The following EXOC4 variants were observed in gnomAD, a reference collection of about 807,000 sequenced individuals.
EXOC4 encodes SEC8-like 1.
A neutral mutation model predicts 107.2 loss-of-function variants in EXOC4; 71 were observed. The ratio of observed to expected loss-of-function variants is 0.66; its 90% CI spans 0.55 to 0.81. EXOC4 has a LOEUF of 0.81. Among genes scored for constraint, EXOC4 ranks in the 30% least tolerant of loss-of-function variants. The probability of loss-of-function intolerance (pLI) is 0.00; values close to 1 mark genes in which losing one functional copy is unlikely to be tolerated. For missense variants in EXOC4, 1,108 were observed against 1,189.6 expected (o/e 0.93, Z 1.01); for synonymous variants, 456 against 441.2 (o/e 1.03, Z -0.42).
chr7:133,853,657 A>C lies in EXOC4; in HGVS notation c.1734+36113A>C, dbSNP rs1307393104. Among the ~76,000 whole-genome samples, 3 of 152,154 alleles carry C rather than the reference A, an allele frequency of 2.0e-5. No homozygotes were observed. In the East Asian group the frequency reaches 5.8e-4, roughly 29 times the overall value. On this transcript the variant is annotated intron_variant, in intron 11 of 17. Coordinates refer to ENST00000253861, the MANE Select transcript of EXOC4 (RefSeq NM_021807.4). ...CTTAGGCACACCTGAGAACTGGGAAACCATTCCCAACCATTGCCAGTGGGG... is the reference window on the plus strand; with the variant it reads ...CTTAGGCACACCTGAGAACTGGGAACCCATTCCCAACCATTGCCAGTGGGG...
Position 133,485,094 on chromosome 7 carries a change from T to TA in EXOC4, c.1417+4959dup, listed in dbSNP as rs1294333074. Reference sequence around the variant, plus strand: ...GACTCCGTCTCAAAAAATAAATAAATAAATAAATAAATAAATAAATAAATA... The same window carrying TA: ...GACTCCGTCTCAAAAAATAAATAAATAAAATAAATAAATAAATAAATAAATA... On this transcript the variant is annotated intron_variant, in intron 9 of 17. Coordinates refer to ENST00000253861, the MANE Select transcript of EXOC4 (RefSeq NM_021807.4). 5.5e-3 allele frequency among the ~76,000 whole-genome samples: 705 copies of TA among 128,982 alleles called. 52 individuals carry two copies. The highest frequency in any genetic ancestry group is 0.02 in the Middle Eastern group (5 of 248). 84.6% of individuals were successfully genotyped at this position (128,982 alleles called of 152,430 possible). A position where few individuals can be genotyped will look rare whatever the true frequency, so the allele number is the denominator to read the frequency against.
chr7:133,678,933 T>C (rs1267783077), intron 10 of EXOC4, among the ~76,000 whole-genome samples: 1 of 152,226 alleles, frequency 6.6e-6, no homozygotes, highest in African/African-American at 2.4e-5. Flanking sequence ...TTCCACTGTC[T>C]TTATGGCTCC....
chr7:133,795,717 T>A (rs1796799637), intron 10 of EXOC4, among the ~76,000 whole-genome samples: 1 of 152,132 alleles, frequency 6.6e-6, no homozygotes, highest in South Asian at 2.1e-4. Context: ...AATTTGACCA[T>A]GATGGTGGAA....
rs1797642571 is a variant in EXOC4, at chr7:133,423,225, C to CAAAAAAAAAA, written c.1182+48223_1182+48224insAAAAAAAAAA. The stretch of plus-strand genomic sequence containing the variant: ...TGGGCGACAGAGCGAGACTCCGTCT[C>CAAAAAAAAAA]CAAAAAAAAAAAAAAAAAAAAAAAA... On this transcript the variant is annotated intron_variant, in intron 7 of 17. Coordinates refer to ENST00000253861, the MANE Select transcript of EXOC4 (RefSeq NM_021807.4). Among the ~76,000 whole-genome samples, 2 of 12,156 alleles carry CAAAAAAAAAA rather than the reference C, an allele frequency of 1.6e-4. 1 individual carries two copies. Among genetic ancestry groups the CAAAAAAAAAA allele is most frequent in the African/African-American group, 1.6e-3 (2 of 1,284 alleles). 8.0% of individuals were successfully genotyped at this position (12,156 alleles called of 152,430 possible). A position where few individuals can be genotyped will look rare whatever the true frequency, so the allele number is the denominator to read the frequency against.
chr7:133,970,736 C>T (rs1243369200), intron 14 of EXOC4, among the ~76,000 whole-genome samples: 1 of 152,086 alleles, frequency 6.6e-6, no homozygotes, highest in African/African-American at 2.4e-5. Context: ...GCAGAAATCA[C>T]CCACCTTCTG....
At chr7:133,796,201 A>C (rs759475767) in intron 10 of EXOC4, among the ~76,000 whole-genome samples, 2 of 152,180 alleles carry the variant, frequency 1.3e-5, no homozygotes, top group Admixed American at 6.5e-5. Flanking sequence ...TACTTCTTTA[A>C]ATTCTTAATA....
chr7:133,536,889 A>G (rs1449719643), intron 9 of EXOC4, among the ~76,000 whole-genome samples: 1 of 152,080 alleles, frequency 6.6e-6, no homozygotes, highest in Admixed American at 6.6e-5. Context: ...CAAAAGTAAG[A>G]CATATGCTTC....
At chr7:133,504,587 A>C (rs1290557554) in intron 9 of EXOC4, among the ~76,000 whole-genome samples, 2 of 152,144 alleles carry the variant, frequency 1.3e-5, no homozygotes, top group Non-Finnish European at 2.9e-5. Context: ...ATATCGTGGT[A>C]GATGACAGAT....
At chr7:133,700,310 G>T (rs998194540) in intron 10 of EXOC4, among the ~76,000 whole-genome samples, 16 of 152,024 alleles carry the variant, frequency 1.1e-4, no homozygotes, top group Non-Finnish European at 1.6e-4. Context: ...TCTCTTGAGG[G>T]ACTATTTTTT....
chr7:133,908,008 C>T (rs1306359560), intron 12 of EXOC4, among the ~76,000 whole-genome samples: 2 of 152,116 alleles, frequency 1.3e-5, no homozygotes, highest in Admixed American at 6.5e-5. Flanking sequence ...AAGTGAATCC[C>T]TTCACTCATC....
At chr7:134,008,536 A>G (rs770032901) in intron 17 of EXOC4, among the ~76,000 whole-genome samples, 1 of 151,898 alleles carries the variant, frequency 6.6e-6, no homozygotes, top group South Asian at 2.1e-4. Context: ...ACAGGAACCT[A>G]CTTCTCATTT....
intron 14 of EXOC4, among the ~76,000 whole-genome samples, chr7:133,956,592 G>A (rs968863353): frequency 3.9e-5 from 6 of 152,172 alleles, no homozygotes; most frequent in African/African-American, 1.4e-4. Context: ...GCATCATGTG[G>A]GGGAACTGGG....
At chr7:133,808,140 C>T (rs374896248) in intron 10 of EXOC4, among the ~76,000 whole-genome samples, 2 of 152,136 alleles carry the variant, frequency 1.3e-5, no homozygotes, top group Admixed American at 6.5e-5. Context: ...CATGATTGGG[C>T]TCTGCAGTGA....
chr7:133,550,249 C>T (rs1295956197), intron 9 of EXOC4, among the ~76,000 whole-genome samples: 4 of 152,094 alleles, frequency 2.6e-5, no homozygotes, highest in Non-Finnish European at 4.4e-5. Flanking sequence ...AATGTGACCC[C>T]AGAATCAAGC....
chr7:133,930,386 C>A (rs1379060033), intron 13 of EXOC4: 1 of 152,190 alleles, frequency 6.6e-6, no homozygotes, highest in Non-Finnish European at 1.5e-5. Flanking sequence ...AAGATGCATT[C>A]TTTTTCCAAA....
intron 7 of EXOC4, among the ~76,000 whole-genome samples, chr7:133,442,837 G>A (rs1337518616): frequency 6.6e-6 from 1 of 152,166 alleles, no homozygotes; most frequent in Non-Finnish European, 1.5e-5. Context: ...TGAAAGAATG[G>A]TGGTCCCATT....
chr7:133,726,731 C>A (rs1795222784), intron 10 of EXOC4, among the ~76,000 whole-genome samples: 1 of 152,218 alleles, frequency 6.6e-6, no homozygotes. Context: ...CTTCCCTCCA[C>A]TTCTCTTCTA....
rs144551921 is a variant in EXOC4 at position 133,272,499 on chromosome 7, C to T, written c.87-2483C>T. Among the ~76,000 whole-genome samples the T allele has an allele frequency of 2.1e-3, 314 of 152,170 alleles. 2 individuals are homozygous for T. Among genetic ancestry groups the T allele is most frequent in the African/African-American group, 7.2e-3 (300 of 41,520 alleles). On this transcript the variant is annotated intron_variant, in intron 1 of 17. Transcript: ENST00000253861. ...AACATACATTCTATAAAATGTGCAA[C>T]ACAGCTGGCTCCTGGCAGCTAGTAA...
At chr7:134,042,195 T>G (rs1795537065) in intron 17 of EXOC4, among the ~76,000 whole-genome samples, 1 of 152,192 alleles carries the variant, frequency 6.6e-6, no homozygotes, top group Non-Finnish European at 1.5e-5. Flanking sequence ...TACAGCGACT[T>G]TAAGTAATCA....
Sources: allele counts gnomAD v4.1 joint callset (sites outside exome capture counted in the v4.1 genomes callset), GRCh38; gene constraint gnomAD v4.1.1; transcripts MANE v1.5; gene names NCBI Gene and HGNC (gene_info 2026-07-23, HGNC 2026-07-21).